The following PLA2G6 variants were observed in gnomAD, a reference collection of about 807,000 sequenced individuals.
The protein encoded by PLA2G6 is 85/88 kDa calcium-independent phospholipase A2.
In PLA2G6, 62 loss-of-function variants were observed where a neutral mutation model predicts 83.8. That is an observed-to-expected ratio of 0.74 (90% CI 0.60 to 0.91). The LOEUF is 0.91. Ranked by LOEUF, PLA2G6 falls within the 40% of genes least tolerant of loss-of-function variation. PLA2G6 has a pLI of 0.00. For synonymous variants in PLA2G6, 417 were observed against 449.8 expected (o/e 0.93, Z 0.92); for missense variants, 944 against 1,102.0 (o/e 0.86, Z 2.03).
chr22:38,128,354 G>A lies in PLA2G6; in HGVS notation c.1263C>T (p.Val421=), dbSNP rs375896475. Residue 421 remains valine (V), a synonymous_variant, in exon 9 of 17, where the codon GTC becomes GTT. Transcript: ENST00000332509. The surrounding 1 kb of genome is among the most constrained non-coding windows in gnomAD (Gnocchi z 4.4). ...AEYCFPPIHG[V]PAEQGSAAPH... is the part of the protein sequence containing the mutation. Reference sequence around the variant, plus strand: ...GCGCTGCAGAGCCCTGCTCCGCGGGGACCCCGTGGATGGGTGGGAAGCAGT... The same window carrying A: ...GCGCTGCAGAGCCCTGCTCCGCGGGAACCCCGTGGATGGGTGGGAAGCAGT... The A allele has an allele frequency of 4.3e-6, 7 of 1,613,852 alleles. No homozygotes were observed. Among genetic ancestry groups the A allele is most frequent in the Non-Finnish European group, 5.9e-6 (7 of 1,179,996 alleles).
chr22:38,181,018 T>C (rs2090825925), intron 1 of PLA2G6, among the ~76,000 whole-genome samples: 1 of 151,764 alleles, frequency 6.6e-6, no homozygotes, highest in Admixed American at 6.6e-5. Context: ...GTCATGTGGG[T>C]AGCCCATTAA....
At chr22:38,156,597 G>A (rs1262291937) in intron 2 of PLA2G6, among the ~76,000 whole-genome samples, 1 of 152,000 alleles carries the variant, frequency 6.6e-6, no homozygotes, top group East Asian at 1.9e-4. Context: ...GGGACTACAG[G>A]CACCTGCCAC....
Position 38,164,127 on chromosome 22 carries a change from A to C in PLA2G6, c.209+5091T>G, listed in dbSNP as rs1233413155. ...ATGATTAATCTGTACCAGGAACAGA[A>C]GTATCTATGCTATCATAGTGTACAC... On this transcript the variant is annotated intron_variant, in intron 2 of 16. Coordinates refer to ENST00000332509, the MANE Select transcript of PLA2G6 (RefSeq NM_003560.4). 3.3e-5 allele frequency among the ~76,000 whole-genome samples: 5 copies of C among 152,196 alleles called. No homozygotes were observed. The East Asian group carries it at 9.7e-4, about 29-fold the overall frequency.
In PLA2G6 at chr22:38,132,271, C is replaced by T. The variant is rs1016000858; in HGVS notation, c.1077+560G>A. 6 of 347,966 alleles carry T rather than the reference C, an allele frequency of 1.7e-5. No homozygotes were observed. Among genetic ancestry groups the T allele is most frequent in the Admixed American group, 7.8e-5 (2 of 25,582 alleles). 21.6% of individuals were successfully genotyped at this position (347,966 alleles called of 1,614,324 possible). A position where few individuals can be genotyped will look rare whatever the true frequency, so the allele number is the denominator to read the frequency against. Reference sequence around the variant, plus strand: ...AATAAACCAACGAATATGCCTGGCACCTGCCACAGGCTGCTGGGCTGCACA... The same window carrying T: ...AATAAACCAACGAATATGCCTGGCATCTGCCACAGGCTGCTGGGCTGCACA... On this transcript the variant is annotated intron_variant, in intron 7 of 16. Transcript: ENST00000332509. This position sits in a 1 kb window ranked among gnomAD's most constrained non-coding sequence, Gnocchi z 5.0.
chr22:38,176,094 G>A (rs1489991398), intron 1 of PLA2G6, among the ~76,000 whole-genome samples: 1 of 152,224 alleles, frequency 6.6e-6, no homozygotes, highest in Non-Finnish European at 1.5e-5. Context: ...CAAGGGGTTC[G>A]CTCCTCCACC....
chr22:38,112,573 G>C lies in PLA2G6; in HGVS notation c.2207C>G (p.Thr736Arg), dbSNP rs1414538273. 3.2e-6 allele frequency: 5 copies of C among 1,550,608 alleles called. No homozygotes were observed. The highest frequency in any genetic ancestry group is 4.4e-6 in the Non-Finnish European group (5 of 1,147,944). ...GTCCACAGCCCGCCCGTCTGGATCCGTGCACTGGTGAGAAGCAGCCTTGGT... is the reference window on the plus strand; with the variant it reads ...GTCCACAGCCCGCCCGTCTGGATCCCTGCACTGGTGAGAAGCAGCCTTGGT... ...ELGKMVVDCC[T>R]DPDGRAVDRA... The change falls in exon 16 of 17, where the codon ACG (threonine) becomes AGG (arginine). Residue 736 changes from threonine (T) to arginine (R), a missense_variant. By Grantham distance (71) the Thr-to-Arg change is moderately conservative (BLOSUM62 -1). Transcript: ENST00000332509.
intron 2 of PLA2G6, chr22:38,148,702 G>A: frequency 1.6e-6 from 1 of 614,084 alleles, no homozygotes; most frequent in South Asian, 1.9e-5. Flanking sequence ...AGGAATAAGG[G>A]TGAGCCATAC....
At chr22:38,114,431 T>C (rs1380687759) in intron 14 of PLA2G6, among the ~76,000 whole-genome samples, 1 of 152,152 alleles carries the variant, frequency 6.6e-6, no homozygotes, top group African/African-American at 2.4e-5. Flanking sequence ...ATGATCCACT[T>C]GCCTCGGCCT....
Position 38,116,153 on chromosome 22 carries a change from T to C in PLA2G6, c.1801A>G (p.Asn601Asp). ...CGGACAGTTTCTGGAGCATCGTAGTTCCGGAAGAGGTGGAGTTCAGCCGGC... is the reference window on the plus strand; with the variant it reads ...CGGACAGTTTCTGGAGCATCGTAGTCCCGGAAGAGGTGGAGTTCAGCCGGC... Reference protein sequence around the residue: ...RQPAELHLFRNYDAPETVREP... With the variant: ...RQPAELHLFRDYDAPETVREP... The change falls in exon 13 of 17, where the codon AAC becomes GAC. Residue 601 changes from asparagine (N) to aspartate (D), a missense_variant. Asn to Asp is a conservative substitution (Grantham distance 23). Coordinates refer to ENST00000332509, the MANE Select transcript of PLA2G6 (RefSeq NM_003560.4). 1 of 1,613,954 alleles carries C rather than the reference T, an allele frequency of 6.2e-7. No individual in the cohort carries two copies. Among genetic ancestry groups the C allele is most frequent in the Admixed American group, 1.7e-5 (1 of 60,024 alleles).
rs201905296 is a variant in PLA2G6 at position 38,146,767 on chromosome 22, T to TTTTTC, written c.210-1119_210-1115dup. 505 of 143,510 alleles carry TTTTTC rather than the reference T, an allele frequency of 3.5e-3. 25 individuals are homozygous for TTTTTC. Among genetic ancestry groups the TTTTTC allele is most frequent in the Admixed American group, 4.2e-3 (59 of 13,936 alleles). The allele number at this position is 143,510 out of a possible 1,614,324, so 8.9% of individuals were successfully genotyped here. ...ATATTTAAAAAAAGGGAAACTTTTC[T>TTTTTC]TTTTCTTTTCTTTTCTTTTTTTTTT... On this transcript the variant is annotated intron_variant, in intron 2 of 16. Transcript: ENST00000332509.
chr22:38,161,553 T>C (rs559599692), intron 2 of PLA2G6, among the ~76,000 whole-genome samples: 23 of 152,090 alleles, frequency 1.5e-4, no homozygotes, highest in East Asian at 9.6e-4. Context: ...GAAAGTGTTA[T>C]GTAGGAAAGA....
intron 3 of PLA2G6, chr22:38,144,988 T>C (rs763980038): frequency 3.6e-5 from 13 of 362,180 alleles, no homozygotes; most frequent in Non-Finnish European, 2.1e-5. Flanking sequence ...TCTGGAAACA[T>C]TACATTGTCC....
intron 2 of PLA2G6, chr22:38,147,601 C>T (rs954257427): frequency 4.1e-5 from 6 of 145,114 alleles, no homozygotes; most frequent in Admixed American, 3.5e-4. Flanking sequence ...AGTGCAGTGG[C>T]GCGATCTCAG....
At chr22:38,118,703 G>C (rs1418548368) in intron 12 of PLA2G6, among the ~76,000 whole-genome samples, 1 of 150,862 alleles carries the variant, frequency 6.6e-6, no homozygotes, top group African/African-American at 2.4e-5. Context: ...TAATGGAGTA[G>C]AATTTATAAA....
Position 38,113,419 on chromosome 22 carries a change from G to A in PLA2G6, c.2202+68C>T, listed in dbSNP as rs574535906. 5.4e-6 allele frequency: 8 copies of A among 1,476,674 alleles called. No individual in the cohort carries two copies. The African/African-American group carries it at 6.9e-5, about 13-fold the overall frequency. 91.5% of individuals were successfully genotyped at this position (1,476,674 alleles called of 1,614,324 possible). A position where few individuals can be genotyped will look rare whatever the true frequency, so the allele number is the denominator to read the frequency against. On this transcript the variant is annotated intron_variant, in intron 15 of 16. Transcript: ENST00000332509. The stretch of plus-strand genomic sequence containing the variant: ...TCCAACACCAAAGGCCCCACAGGAT[G>A]AGGGGAAGCCATCGACCTGGGCTAC...
intron 11 of PLA2G6, among the ~76,000 whole-genome samples, chr22:38,122,782 G>A (rs968573219): frequency 1.2e-4 from 19 of 152,202 alleles, no homozygotes; most frequent in Admixed American, 1.2e-3. Context: ...CCTGGTGCCT[G>A]CTTTGCAGGG....
At chr22:38,129,323 C>T in intron 8 of PLA2G6, 131 bp downstream of exon 8, 1 of 721,400 alleles carries the variant, frequency 1.4e-6, no homozygotes. Context: ...GTACGAGGTG[C>T]TCCTGGCAGC....
Position 38,126,382 on chromosome 22 carries a change from G to C in PLA2G6, c.1416C>G (p.Asp472Glu). Residue 472 changes from aspartate (D) to glutamate (E), a missense_variant, in exon 10 of 17, where the codon GAC becomes GAG. By Grantham distance (45) the Asp-to-Glu change is conservative. Coordinates refer to ENST00000332509, the MANE Select transcript of PLA2G6 (RefSeq NM_003560.4). ...KPAFILGSMRDEKRTHDHLLC... is the reference protein window; with the variant it reads ...KPAFILGSMREEKRTHDHLLC... ...CTCGATCCACTTACGTCCGCTTCTC[G>C]TCCCTCATGGAGCCCAGGATGAACG... The C allele has an allele frequency of 3.1e-6, 5 of 1,613,048 alleles. No homozygotes were observed. In the South Asian group the frequency reaches 5.5e-5, roughly 18 times the overall value.
chr22:38,112,281 G>A lies in PLA2G6; in HGVS notation c.2301C>T (p.Asp767=). ...TGTCACTGACCTCATCCAGCATGAT[G>A]TCCGTCCCCAGCTGGGGGTTCAATC... ...YFRLNPQLGT[D]IMLDEVSDTV... Residue 767 remains aspartate, a synonymous_variant, in exon 17 of 17, where the codon GAC becomes GAT. Coordinates refer to ENST00000332509, the MANE Select transcript of PLA2G6 (RefSeq NM_003560.4). 1 of 1,613,642 alleles carries A rather than the reference G, an allele frequency of 6.2e-7. No individual in the cohort carries two copies. The highest frequency in any genetic ancestry group is 1.1e-5 in the South Asian group (1 of 91,024).
Sources: gnomAD v4.1 joint callset for allele counts (sites outside exome capture counted in the v4.1 genomes callset) on GRCh38, gnomAD v4.1.1 for gene constraint, Gnocchi (gnomAD v3.1) non-coding constraint, MANE v1.5 for transcripts, NCBI Gene and HGNC (gene_info 2026-07-23, HGNC 2026-07-21) for gene names.